Variants in PLGRKT observed in about 807,000 individuals in gnomAD.
The protein encoded by PLGRKT is plasminogen receptor with a C-terminal lysine.
PLGRKT carries 22 observed loss-of-function variants against 18.5 expected under a neutral mutation model. The observed-to-expected ratio is 1.19, with a 90% CI of 0.85 to 1.70. PLGRKT has a LOEUF of 1.70. Ranked by LOEUF, PLGRKT falls within the 40% of genes most tolerant of loss-of-function variation. PLGRKT has a pLI of 0.00. For missense variants in PLGRKT, 235 were observed against 174.4 expected (o/e 1.35, Z -1.96); for synonymous variants, 72 against 52.8 (o/e 1.36, Z -1.58).
At chr9:5,381,916 AG>A (rs1817754603) in intron 3 of PLGRKT, 1 of 985,048 alleles carries the variant, frequency 1.0e-6, no homozygotes, top group Non-Finnish European at 1.2e-6. Context: ...ACATCATGAG[AG>A]GAAGAGTCTG....
At chr9:5,377,860 G>A (rs1817660891) in intron 3 of PLGRKT, among the ~76,000 whole-genome samples, 1 of 152,186 alleles carries the variant, frequency 6.6e-6, no homozygotes, top group African/African-American at 2.4e-5. Context: ...TGAAAGAGAA[G>A]AGCTGATATC....
chr9:5,372,520 A>G (rs10441733), intron 3 of PLGRKT, among the ~76,000 whole-genome samples: 2 of 151,462 alleles, frequency 1.3e-5, no homozygotes, highest in Non-Finnish European at 2.9e-5. Flanking sequence ...TGCACTCTAC[A>G]TTATCAGGAA....
At chr9:5,429,027 G>A (rs969432916) in intron 3 of PLGRKT, among the ~76,000 whole-genome samples, 2 of 152,074 alleles carry the variant, frequency 1.3e-5, no homozygotes, top group African/African-American at 4.8e-5. Flanking sequence ...CTAGGTGGGG[G>A]AAAGTAACTG....
intron 3 of PLGRKT, among the ~76,000 whole-genome samples, chr9:5,403,754 G>T (rs1286422380): frequency 6.6e-6 from 1 of 152,192 alleles, no homozygotes; most frequent in African/African-American, 2.4e-5. Context: ...AAAATGGTGT[G>T]CTTATTAATG....
intron 2 of PLGRKT, among the ~76,000 whole-genome samples, chr9:5,434,562 G>C (rs1374934341): frequency 6.9e-6 from 1 of 144,942 alleles, no homozygotes; most frequent in African/African-American, 2.7e-5. Context: ...CTGCCCAGCC[G>C]CCCCGTCTGG....
rs993983544 is a variant in PLGRKT at position 5,364,761 on chromosome 9, T to C, written c.82-2873A>G. Among the ~76,000 whole-genome samples the C allele has an allele frequency of 3.3e-5, 5 of 152,334 alleles. 1 individual carries two copies. The highest frequency in any genetic ancestry group is 1.2e-4 in the African/African-American group (5 of 41,588). The stretch of plus-strand genomic sequence containing the variant: ...CAATTCTGAAACTGCTTTACATGTC[T>C]ACTGGAGATGAGCAACAAGTAAATT... On this transcript the variant is annotated intron_variant, in intron 3 of 5. Transcript: ENST00000223864.
intron 3 of PLGRKT, among the ~76,000 whole-genome samples, chr9:5,378,332 T>C (rs1817671226): frequency 6.6e-6 from 1 of 152,212 alleles, no homozygotes; most frequent in Non-Finnish European, 1.5e-5. Context: ...GGGAGACACA[T>C]GCCCCTCATG....
chr9:5,394,540 G>A (rs1191383035), intron 3 of PLGRKT, among the ~76,000 whole-genome samples: 1 of 151,648 alleles, frequency 6.6e-6, no homozygotes, highest in Non-Finnish European at 1.5e-5. Flanking sequence ...AGCCTCCCGA[G>A]TAGCTGGGAT....
intron 3 of PLGRKT, among the ~76,000 whole-genome samples, chr9:5,386,950 G>A (rs1817855469): frequency 6.6e-6 from 1 of 151,912 alleles, no homozygotes; most frequent in Non-Finnish European, 1.5e-5. Flanking sequence ...TGACCCATGT[G>A]GACAGCATGG....
chr9:5,405,537 T>A (rs1000740863), intron 3 of PLGRKT, among the ~76,000 whole-genome samples: 3 of 152,220 alleles, frequency 2.0e-5, no homozygotes, highest in Non-Finnish European at 4.4e-5. Context: ...TAAATGGTGC[T>A]GAGAGAAATG....
rs146043921 is a variant in PLGRKT at position 5,389,167 on chromosome 9, A to T, written c.82-27279T>A. On this transcript the variant is annotated intron_variant, in intron 3 of 5. Transcript: ENST00000223864. Reference sequence around the variant, plus strand: ...GAAGTGGCCATAGTTATATGATGGGATATCTTAAGATTTACTTAGAAGCAG... The same window carrying T: ...GAAGTGGCCATAGTTATATGATGGGTTATCTTAAGATTTACTTAGAAGCAG... Among the ~76,000 whole-genome samples, 699 of 152,018 alleles carry T rather than the reference A, an allele frequency of 4.6e-3. 17 individuals are homozygous for T. In the East Asian group the frequency reaches 0.06, roughly 13 times the overall value.
intron 3 of PLGRKT, among the ~76,000 whole-genome samples, chr9:5,363,062 G>A (rs1200930813): frequency 1.3e-5 from 2 of 151,862 alleles, no homozygotes; most frequent in African/African-American, 2.4e-5. Flanking sequence ...GGGCACAGAA[G>A]GTAACTGCGG....
At chr9:5,391,805 C>T (rs1218228274) in intron 3 of PLGRKT, among the ~76,000 whole-genome samples, 2 of 151,906 alleles carry the variant, frequency 1.3e-5, no homozygotes, top group Non-Finnish European at 2.9e-5. Context: ...AAGCTAGTGA[C>T]TTATTAGGTT....
At chr9:5,412,790 T>C (rs1220936807) in intron 3 of PLGRKT, among the ~76,000 whole-genome samples, 2 of 152,186 alleles carry the variant, frequency 1.3e-5, no homozygotes, top group East Asian at 3.8e-4. Flanking sequence ...TAAACTTTTT[T>C]TCATGGTGTA....
chr9:5,405,266 T>A (rs1415781600), intron 3 of PLGRKT, among the ~76,000 whole-genome samples: 1 of 152,174 alleles, frequency 6.6e-6, no homozygotes. Context: ...ATTTTAAAAT[T>A]CATATGGAAC....
chr9:5,432,509 C>G (rs1818848129), intron 2 of PLGRKT, among the ~76,000 whole-genome samples: 1 of 151,790 alleles, frequency 6.6e-6, no homozygotes, highest in South Asian at 2.1e-4. Context: ...CCCCCTCCCC[C>G]TCCCTCTTTC....
intron 3 of PLGRKT, among the ~76,000 whole-genome samples, chr9:5,429,196 A>G (rs1037261455): frequency 6.6e-6 from 1 of 152,250 alleles, no homozygotes; most frequent in African/African-American, 2.4e-5. Context: ...CTTGTATTAT[A>G]AAACTCACAG....
chr9:5,371,701 G>C (rs529735680), intron 3 of PLGRKT, among the ~76,000 whole-genome samples: 1 of 152,254 alleles, frequency 6.6e-6, no homozygotes, highest in Admixed American at 6.5e-5. Context: ...GCTCCTAACA[G>C]TGTCTGGTAA....
chr9:5,413,241 T>C (rs1225301561), intron 3 of PLGRKT, among the ~76,000 whole-genome samples: 1 of 152,142 alleles, frequency 6.6e-6, no homozygotes, highest in Admixed American at 6.5e-5. Context: ...AATATAAAAA[T>C]ATGAAAGAAC....
Sources: allele counts gnomAD v4.1 joint callset (sites outside exome capture counted in the v4.1 genomes callset), GRCh38; gene constraint gnomAD v4.1.1; transcripts MANE v1.5; gene names NCBI Gene and HGNC (gene_info 2026-07-23, HGNC 2026-07-21).